FYB1: variants seen among roughly 807,000 people sequenced by gnomAD.
FYB1 encodes the protein FYN-binding protein 1.
In FYB1, 41 loss-of-function variants were observed where a neutral mutation model predicts 94.1. The ratio of observed to expected loss-of-function variants is 0.44; its 90% CI spans 0.34 to 0.57. The LOEUF (loss-of-function observed/expected upper bound fraction) is 0.57, where lower values mean the gene tolerates loss of function less well. Ranked by LOEUF, FYB1 falls within the 20% of genes least tolerant of loss-of-function variation. FYB1 has a pLI of 0.02. For synonymous variants in FYB1, 367 were observed against 353.2 expected, an observed-to-expected ratio of 1.04 and a Z score of -0.44; for missense variants, 1,050 against 976.8, an observed-to-expected ratio of 1.07 and a Z score of -1.00.
At chr5:39,152,629 T>G (rs532327789) in intron 3 of FYB1, among the ~76,000 whole-genome samples, 3 of 152,326 alleles carry the variant, frequency 2.0e-5, no homozygotes, top group Non-Finnish European at 4.4e-5. Context: ...TGACATTCCA[T>G]TTTATTCCAA....
chr5:39,119,495 T>C, intron 15 of FYB1, 40 bp downstream of exon 15: 2 of 1,373,856 alleles, frequency 1.5e-6, no homozygotes, highest in Non-Finnish European at 1.9e-6. Context: ...GATTTTTCAA[T>C]AGTGCTTTGT....
chr5:39,178,781 T>C lies in FYB1; in HGVS notation c.1135+23045A>G, dbSNP rs537533822. Among the ~76,000 whole-genome samples the C allele has an allele frequency of 2.6e-5, 4 of 152,320 alleles. No individual in the cohort carries two copies. In the East Asian group the frequency reaches 7.7e-4, roughly 29 times the overall value. The stretch of plus-strand genomic sequence containing the variant: ...GAAATATCACCTGGGAAATTAACAT[T>C]GTGTGTACTAGACAGCTTCCCCCCA... On this transcript the variant is annotated intron_variant, in intron 2 of 18. Coordinates refer to ENST00000512982, the MANE Select transcript of FYB1 (RefSeq NM_001465.6).
In FYB1 at chr5:39,105,689, A is replaced by G. The variant is rs1473536383; in HGVS notation, c.*1754T>C. The G allele has an allele frequency of 2.6e-5, 4 of 152,158 alleles. No homozygotes were observed. The highest frequency in any genetic ancestry group is 4.4e-5 in the Non-Finnish European group (3 of 68,034). The allele number at this position is 152,158 out of a possible 1,614,324, so 9.4% of individuals were successfully genotyped here. On this transcript the variant is annotated 3_prime_UTR_variant, in exon 19 of 19. Coordinates refer to ENST00000512982, the MANE Select transcript of FYB1 (RefSeq NM_001465.6). ...AAACTATCCTGTCTGTGTATTATAT[A>G]TATTTATTACCAAATTTAATAAACA...
At chr5:39,188,497 A>G (rs1449573414) in intron 2 of FYB1, among the ~76,000 whole-genome samples, 10 of 137,624 alleles carry the variant, frequency 7.3e-5, no homozygotes, top group Admixed American at 2.2e-4. Context: ...CAGCCCCCGT[A>G]GCCCCACTGC....
intron 1 of FYB1, among the ~76,000 whole-genome samples, chr5:39,265,667 T>C (rs541094622): frequency 6.6e-6 from 1 of 151,896 alleles, no homozygotes; most frequent in East Asian, 1.9e-4. Context: ...CAAAAATAAA[T>C]AAATAAATGA....
intron 2 of FYB1, among the ~76,000 whole-genome samples, chr5:39,181,357 C>T (rs1746208752): frequency 6.7e-6 from 1 of 149,824 alleles, no homozygotes; most frequent in Admixed American, 6.8e-5. Flanking sequence ...GTGGCTAGTG[C>T]AACTGAGGAG....
At chr5:39,232,902 A>AT (rs1461861519) in intron 1 of FYB1, among the ~76,000 whole-genome samples, 3 of 152,010 alleles carry the variant, frequency 2.0e-5, no homozygotes, top group African/African-American at 7.3e-5. Context: ...TGAACTCATC[A>AT]TTTTTTATGG....
rs977496066 is a variant in FYB1 at position 39,227,670 on chromosome 5, C to T, written c.-27-24683G>A. On this transcript the variant is annotated intron_variant, in intron 1 of 1. Transcript: ENST00000510188. ...CCATGCAAAGTCTGATTCTCTGATG[C>T]AACAATTTGCTGGAGCTCTGAAAAG... is the stretch of plus-strand genomic sequence containing the variant. Among the ~76,000 whole-genome samples, 29 of 152,290 alleles carry T rather than the reference C, an allele frequency of 1.9e-4. No individual in the cohort carries two copies. The Middle Eastern group carries it at 0.017, about 89-fold the overall frequency.
chr5:39,248,495 A>G (rs569316075), intron 1 of FYB1, among the ~76,000 whole-genome samples: 2 of 152,162 alleles, frequency 1.3e-5, no homozygotes, highest in Non-Finnish European at 2.9e-5. Context: ...ATGCTATAAC[A>G]TGGAGAAACC....
chr5:39,159,033 C>G (rs1175159238), intron 2 of FYB1, among the ~76,000 whole-genome samples: 1 of 152,170 alleles, frequency 6.6e-6, no homozygotes, highest in Non-Finnish European at 1.5e-5. Context: ...CTAACTACCT[C>G]AAAGGGTTTA....
rs771887836 is a variant in FYB1 at position 39,119,547 on chromosome 5, C to T, written c.2226G>A (p.Arg742=). Residue 742 remains arginine, a synonymous_variant, in exon 15 of 19, where the codon AGG becomes AGA. Coordinates refer to ENST00000512982, the MANE Select transcript of FYB1 (RefSeq NM_001465.6). ...KKQEKEEKDF[R]KKFKYDGEIR... ...AGATATGACATACTTTAAATTTTTT[C>T]CTGAAGTCTTTTTCTTCTTTTTCCT... The T allele has an allele frequency of 3.9e-6, 6 of 1,534,474 alleles. No individual in the cohort carries two copies. In the African/African-American group the frequency reaches 8.3e-5, roughly 21 times the overall value.
At chr5:39,161,843 C>T (rs1364268291) in intron 2 of FYB1, among the ~76,000 whole-genome samples, 2 of 152,214 alleles carry the variant, frequency 1.3e-5, no homozygotes, top group Admixed American at 6.5e-5. Context: ...GGCAGTCACT[C>T]CCCATCCCTA....
At chr5:39,207,870 A>C (rs1270401836) in intron 1 of FYB1, among the ~76,000 whole-genome samples, 1 of 152,176 alleles carries the variant, frequency 6.6e-6, no homozygotes, top group Non-Finnish European at 1.5e-5. Context: ...GGTTGGGTAG[A>C]GGCCAGGGAT....
chr5:39,234,302 C>T (rs1465807847), intron 1 of FYB1, among the ~76,000 whole-genome samples: 1 of 152,030 alleles, frequency 6.6e-6, no homozygotes, highest in Non-Finnish European at 1.5e-5. Context: ...GGCATGGAGA[C>T]ACATTTGTGA....
intron 2 of FYB1, among the ~76,000 whole-genome samples, chr5:39,166,804 G>A (rs1245106592): frequency 6.6e-6 from 1 of 152,066 alleles, no homozygotes; most frequent in African/African-American, 2.4e-5. Context: ...GACTGGGAAG[G>A]GTGGGAGGGT....
At chr5:39,152,972 A>G (rs1186145614) in intron 3 of FYB1, among the ~76,000 whole-genome samples, 1 of 152,202 alleles carries the variant, frequency 6.6e-6, no homozygotes, top group Non-Finnish European at 1.5e-5. Context: ...TTGCAGAGCT[A>G]AAGTTCCATT....
chr5:39,176,432 G>A (rs954412685), intron 2 of FYB1, among the ~76,000 whole-genome samples: 1 of 152,026 alleles, frequency 6.6e-6, no homozygotes, highest in Admixed American at 6.6e-5. Flanking sequence ...TTACAGGCAT[G>A]AGCCACCATG....
chr5:39,145,375 G>A (rs952312980), intron 3 of FYB1, among the ~76,000 whole-genome samples: 5 of 152,112 alleles, frequency 3.3e-5, no homozygotes, highest in South Asian at 2.1e-4. Flanking sequence ...ATATATACAC[G>A]CAATATGAAA....
At chr5:39,191,177 T>A (rs1030659184) in intron 2 of FYB1, among the ~76,000 whole-genome samples, 2 of 152,204 alleles carry the variant, frequency 1.3e-5, no homozygotes, top group Non-Finnish European at 2.9e-5. Context: ...ATTGCCTGGT[T>A]GTAACTAATC....
Sources: allele counts gnomAD v4.1 joint callset (sites outside exome capture counted in the v4.1 genomes callset), GRCh38; gene constraint gnomAD v4.1.1; transcripts MANE v1.5; gene names NCBI Gene and HGNC (gene_info 2026-07-23, HGNC 2026-07-21).